Variants in PLB1 observed in about 807,000 individuals in gnomAD.
PLB1 encodes the protein phospholipase B1.
A neutral mutation model predicts 227.4 loss-of-function variants in PLB1; 242 were observed. That is an observed-to-expected ratio of 1.06 (90% CI 0.96 to 1.18). The LOEUF is 1.18. PLB1 is among the 50% of genes most tolerant of loss of function. PLB1 has a pLI of 0.00. For synonymous variants in PLB1, 757 were observed against 682.2 expected (o/e 1.11, Z -1.71); for missense variants, 1,858 against 1,816.3 (o/e 1.02, Z -0.42).
At chr2:28,582,035 A>G (rs1461482813) in intron 23 of PLB1, 33 bp from the exon 24 acceptor site, 11 of 1,586,562 alleles carry the variant, frequency 6.9e-6, no homozygotes, top group Non-Finnish European at 8.7e-6. Flanking sequence ...TAGGTGACAA[A>G]TGGTGTTCAA....
rs1684700577 is a variant in PLB1, at chr2:28,606,490, G to C, written c.3058-6G>C. ...CACCCGTGTCTCTCTTTTCTTCCCT[G>C]ATCAGCTTGAACCACTTGGAAGCAA... On this transcript the variant is annotated splice_polypyrimidine_tract_variant and splice_region_variant and intron_variant, in intron 42 of 57. Coordinates refer to ENST00000327757, the MANE Select transcript of PLB1 (RefSeq NM_153021.5). 1 of 1,613,568 alleles carries C rather than the reference G, an allele frequency of 6.2e-7. No homozygotes were observed. The highest frequency in any genetic ancestry group is 1.7e-5 in the Admixed American group (1 of 59,986).
chr2:28,598,884 T>A, intron 35 of PLB1, 124 bp downstream of exon 35: 1 of 800,498 alleles, frequency 1.2e-6, no homozygotes, highest in Non-Finnish European at 2.1e-6. Flanking sequence ...AGGCTCAGGC[T>A]GCCCTCTTCC....
At chr2:28,547,219 A>AAAG (rs1558725737) in intron 14 of PLB1, among the ~76,000 whole-genome samples, 13 of 88,092 alleles carry the variant, frequency 1.5e-4, no homozygotes, top group South Asian at 3.3e-4. Context: ...AAAAAAAAGA[A>AAAG]AAAAAAAAAA....
chr2:28,561,488 A>G (rs925846770), intron 17 of PLB1, among the ~76,000 whole-genome samples: 1 of 152,270 alleles, frequency 6.6e-6, no homozygotes, highest in African/African-American at 2.4e-5. Context: ...TTATAGCAAT[A>G]CTAGTCACAA....
chr2:28,603,166 G>A (rs1044684712), intron 39 of PLB1, among the ~76,000 whole-genome samples: 6 of 152,360 alleles, frequency 3.9e-5, no homozygotes, highest in Admixed American at 1.3e-4. Context: ...AGGGATCAAA[G>A]TTGGGACAGA....
At chr2:28,598,100 C>T in intron 34 of PLB1, 52 bp downstream of exon 34, 2 of 1,503,976 alleles carry the variant, frequency 1.3e-6, no homozygotes, top group Non-Finnish European at 1.8e-6. Context: ...CCATCTGGCC[C>T]CTTGGCTTCC....
intron 54 of PLB1, 104 bp from the exon 55 acceptor site, chr2:28,631,932 A>T: frequency 1.1e-6 from 1 of 893,796 alleles, no homozygotes; most frequent in Non-Finnish European, 1.9e-6. Context: ...ACTGTCCTTT[A>T]GGGTGAGTTG....
rs556342913 is a variant in PLB1, at chr2:28,612,566, T to G, written c.3130-1465T>G. ...CAAGAACATGGTTGCGTACATGTGG[T>G]CAGGTATGAGACGAGATCACTTTTC... On this transcript the variant is annotated intron_variant, in intron 43 of 57. Coordinates refer to ENST00000327757, the MANE Select transcript of PLB1 (RefSeq NM_153021.5). 2.6e-5 allele frequency among the ~76,000 whole-genome samples: 4 copies of G among 151,788 alleles called. No individual in the cohort carries two copies. The East Asian group carries it at 7.8e-4, about 29-fold the overall frequency.
chr2:28,543,316 C>T, intron 14 of PLB1, 48 bp downstream of exon 14: 2 of 1,581,080 alleles, frequency 1.3e-6, no homozygotes, highest in South Asian at 1.1e-5. Context: ...GGGGCAAGGT[C>T]TCCACCACCA....
intron 46 of PLB1, among the ~76,000 whole-genome samples, chr2:28,619,433 G>T (rs1467989778): frequency 6.6e-6 from 1 of 152,108 alleles, no homozygotes; most frequent in African/African-American, 2.4e-5. Context: ...CTGTGGCAAG[G>T]GGCAGGATTC....
chr2:28,520,554 CTT>C (rs141447510), intron 4 of PLB1, among the ~76,000 whole-genome samples: 173 of 152,312 alleles, frequency 1.1e-3, no homozygotes, highest in Admixed American at 4.5e-3. Context: ...ATCTCCAGAA[CTT>C]TTTCATTTAG....
chr2:28,565,312 C>A lies in PLB1; in HGVS notation c.1239C>A (p.Asn413Lys). The change falls in exon 19 of 58, where the codon AAC (asparagine) becomes AAA (lysine). Residue 413 changes from asparagine to lysine, a missense_variant. By Grantham distance (94) the Asn-to-Lys change is moderately conservative. Transcript: ENST00000327757. The part of the protein sequence containing the change: ...AGNGAGSTPG[N>K]VLDVLTQYRG... Reference sequence around the variant, plus strand: ...ATGGGGCCGGGTCCACACCTGGGAACGTCTTGGACGTCTTGACTCAGTACC... The same window carrying A: ...ATGGGGCCGGGTCCACACCTGGGAAAGTCTTGGACGTCTTGACTCAGTACC... The A allele has an allele frequency of 6.2e-7, 1 of 1,611,640 alleles. No homozygotes were observed. The highest frequency in any genetic ancestry group is 2.2e-5 in the East Asian group (1 of 44,840).
chr2:28,642,743 G>A (rs1214819707), intron 57 of PLB1, 115 bp from the exon 58 acceptor site: 19 of 930,082 alleles, frequency 2.0e-5, no homozygotes, highest in Non-Finnish European at 3.0e-5. Flanking sequence ...GGGAAGCTCT[G>A]TGAAAACGTG....
At chr2:28,510,625 CTTTT>C (rs11396456) in intron 1 of PLB1, among the ~76,000 whole-genome samples, 1 of 118,058 alleles carries the variant, frequency 8.5e-6, no homozygotes. Flanking sequence ...TTTTCTCTCT[CTTTT>C]TTTTTTTTTT....
chr2:28,529,773 G>GAACC lies in PLB1; in HGVS notation c.463_466dup (p.Leu156GlnfsTer5), dbSNP rs1670769190. ...AAGAACTGGTGAGAAACATGAAAGAGAACCTGGTAAGCATCCGTCCAACTC... is the reference window on the plus strand; with the variant it reads ...AAGAACTGGTGAGAAACATGAAAGAGAACCAACCTGGTAAGCATCCGTCCAACTC... On this transcript the variant is annotated frameshift_variant, in exon 8 of 58. Transcript: ENST00000327757. LOFTEE classifies it high-confidence loss of function. The GAACC allele has an allele frequency of 6.2e-7, 1 of 1,614,012 alleles. No individual in the cohort carries two copies. Among genetic ancestry groups the GAACC allele is most frequent in the Admixed American group, 1.7e-5 (1 of 60,004 alleles).
rs1679688738 is a variant in PLB1 at position 28,580,242 on chromosome 2, C to T, written c.1566+535C>T. On this transcript the variant is annotated intron_variant, in intron 23 of 57. Transcript: ENST00000327757. ...TGATAGAAGCCTGACAGGGCATACC[C>T]ACTAGTCTCCCACCCACGCCTATGC... Among the ~76,000 whole-genome samples the T allele has an allele frequency of 2.0e-5, 3 of 152,352 alleles. No homozygotes were observed. The South Asian group carries it at 6.2e-4, about 32-fold the overall frequency.
chr2:28,544,580 GTA>G (rs1490113203), intron 14 of PLB1, among the ~76,000 whole-genome samples: 2 of 152,332 alleles, frequency 1.3e-5, no homozygotes, highest in Middle Eastern at 3.4e-3. Context: ...GGCTTCAGGT[GTA>G]GCTGGGAAGG....
chr2:28,549,190 A>C, intron 15 of PLB1, among the ~76,000 whole-genome samples: 1 of 152,144 alleles, frequency 6.6e-6, no homozygotes, highest in East Asian at 1.9e-4. Context: ...CTGGCCCCAA[A>C]TGCTGCCTCT....
intron 1 of PLB1, among the ~76,000 whole-genome samples, chr2:28,510,364 C>T (rs1289297797): frequency 6.6e-6 from 1 of 150,434 alleles, no homozygotes; most frequent in African/African-American, 2.5e-5. Flanking sequence ...TCTGCTTGGA[C>T]CAGTGCCCTG....
Sources: gnomAD v4.1 joint callset for allele counts (sites outside exome capture counted in the v4.1 genomes callset) on GRCh38, gnomAD v4.1.1 for gene constraint, MANE v1.5 for transcripts, NCBI Gene and HGNC (gene_info 2026-07-23, HGNC 2026-07-21) for gene names.